The following B3GALT1 variants were observed in gnomAD, a reference collection of about 807,000 sequenced individuals.
B3GALT1 encodes the protein beta-1,3-galactosyltransferase 1.
Under a neutral mutation model 23.2 loss-of-function variants are expected in B3GALT1, and 10 were observed. The observed-to-expected ratio is 0.43, with a 90% CI of 0.27 to 0.73. The LOEUF (loss-of-function observed/expected upper bound fraction) is 0.73. Ranked by LOEUF, B3GALT1 falls within the 30% of genes least tolerant of loss-of-function variation. B3GALT1 has a pLI of 0.21. For missense variants in B3GALT1, 299 were observed against 405.4 expected (o/e 0.74, Z 2.25); for synonymous variants, 156 against 141.5 (o/e 1.10, Z -0.73).
intron 4 of B3GALT1, among the ~76,000 whole-genome samples, chr2:167,830,728 T>G (rs898042365): frequency 1.3e-5 from 2 of 152,264 alleles, no homozygotes; most frequent in African/African-American, 4.8e-5. Flanking sequence ...AACCCGTGTT[T>G]TCACAAATAG....
At chr2:167,446,169 T>C (rs1443716267) in intron 1 of B3GALT1, among the ~76,000 whole-genome samples, 2 of 152,240 alleles carry the variant, frequency 1.3e-5, no homozygotes, top group African/African-American at 2.4e-5. Flanking sequence ...AATTCTTTTC[T>C]TTAAGAATGT....
chr2:167,410,335 CA>C (rs1259783695), intron 1 of B3GALT1, among the ~76,000 whole-genome samples: 4 of 151,812 alleles, frequency 2.6e-5, no homozygotes, highest in African/African-American at 7.3e-5. Context: ...ACTAAAAATA[CA>C]AAAAATGAGA....
chr2:167,533,787 C>T (rs1314172672), intron 2 of B3GALT1, among the ~76,000 whole-genome samples: 1 of 152,150 alleles, frequency 6.6e-6, no homozygotes, highest in Non-Finnish European at 1.5e-5. Flanking sequence ...TCTTTGCAAC[C>T]ATGTTTCTTC....
At chr2:167,516,755 CT>C (rs1465206365) in intron 2 of B3GALT1, among the ~76,000 whole-genome samples, 4 of 151,948 alleles carry the variant, frequency 2.6e-5, no homozygotes, top group Admixed American at 2.0e-4. Flanking sequence ...TTTATTTTTC[CT>C]ATCATAGCCT....
chr2:167,458,679 GT>G (rs1363569862), intron 1 of B3GALT1, among the ~76,000 whole-genome samples: 2 of 152,132 alleles, frequency 1.3e-5, no homozygotes, highest in Non-Finnish European at 2.9e-5. Flanking sequence ...TTTCACTGTA[GT>G]TTTGATTTGC....
intron 2 of B3GALT1, among the ~76,000 whole-genome samples, chr2:167,584,985 A>G (rs1306624687): frequency 6.6e-6 from 1 of 152,110 alleles, no homozygotes; most frequent in Admixed American, 6.5e-5. Flanking sequence ...CCCCCGTCTC[A>G]TCCCCAGGGG....
intron 2 of B3GALT1, among the ~76,000 whole-genome samples, chr2:167,572,636 G>A (rs543106318): frequency 5.3e-5 from 8 of 151,880 alleles, no homozygotes; most frequent in East Asian, 1.9e-4. Context: ...CACATCTGCC[G>A]ATTGAGGTCA....
At chr2:167,335,353 A>G (rs1205045641) in intron 1 of B3GALT1, among the ~76,000 whole-genome samples, 2 of 152,212 alleles carry the variant, frequency 1.3e-5, no homozygotes, top group Non-Finnish European at 2.9e-5. Flanking sequence ...ATATAGAAGT[A>G]CGGAGTCCTT....
intron 4 of B3GALT1, among the ~76,000 whole-genome samples, chr2:167,831,616 A>G (rs1489145239): frequency 6.6e-6 from 1 of 152,208 alleles, no homozygotes; most frequent in Non-Finnish European, 1.5e-5. Flanking sequence ...AGATATGAAT[A>G]GAGGGAAAAA....
At chr2:167,659,446 GT>G (rs1458191909) in intron 3 of B3GALT1, among the ~76,000 whole-genome samples, 1 of 151,998 alleles carries the variant, frequency 6.6e-6, no homozygotes, top group African/African-American at 2.4e-5. Context: ...AAACATTGAA[GT>G]TTTATCAAAA....
At chr2:167,576,866 C>G (rs1347060660) in intron 2 of B3GALT1, among the ~76,000 whole-genome samples, 1 of 151,536 alleles carries the variant, frequency 6.6e-6, no homozygotes, top group Non-Finnish European at 1.5e-5. Context: ...TTCTTGCCAC[C>G]CTTGTGTGAT....
At chr2:167,534,274 C>T (rs1202496891) in intron 2 of B3GALT1, among the ~76,000 whole-genome samples, 1 of 152,130 alleles carries the variant, frequency 6.6e-6, no homozygotes, top group Non-Finnish European at 1.5e-5. Flanking sequence ...CCTGCATATT[C>T]TGTCATCTAC....
chr2:167,412,517 T>C (rs755275979), intron 1 of B3GALT1, among the ~76,000 whole-genome samples: 6 of 152,258 alleles, frequency 3.9e-5, no homozygotes, highest in Admixed American at 6.5e-5. Context: ...TCAACTTCAT[T>C]ATATAAAGAA....
chr2:167,690,265 ACAT>A (rs1167259146), intron 3 of B3GALT1, among the ~76,000 whole-genome samples: 1 of 152,072 alleles, frequency 6.6e-6, no homozygotes, highest in Non-Finnish European at 1.5e-5. Context: ...ACATTATAAA[ACAT>A]CAAGTAAAAG....
At chr2:167,320,381 G>T (rs1696791346) in intron 1 of B3GALT1, among the ~76,000 whole-genome samples, 1 of 151,738 alleles carries the variant, frequency 6.6e-6, no homozygotes, top group Admixed American at 6.6e-5. Context: ...GGTAGAGAGG[G>T]GTTTCACCAT....
intron 2 of B3GALT1, among the ~76,000 whole-genome samples, chr2:167,629,217 AT>A (rs1377696999): frequency 6.6e-6 from 1 of 151,712 alleles, no homozygotes; most frequent in Non-Finnish European, 1.5e-5. Flanking sequence ...TGATCTCGTA[AT>A]GTCTAAGAGA....
In B3GALT1 at chr2:167,872,353, C is replaced by G. The variant is rs1690369846; in HGVS notation, c.*2333C>G. On this transcript the variant is annotated 3_prime_UTR_variant, in exon 5 of 5. Transcript: ENST00000392690. Reference sequence around the variant, plus strand: ...CGAAAGGACCTGATATGAGACAAGACTTCCCATCCCTTAACACATCTTCAT... The same window carrying G: ...CGAAAGGACCTGATATGAGACAAGAGTTCCCATCCCTTAACACATCTTCAT... 6.6e-6 allele frequency: 1 copy of G among 152,184 alleles called. No homozygotes were observed. The highest frequency in any genetic ancestry group is 1.5e-5 in the Non-Finnish European group (1 of 68,056). The allele number at this position is 152,184 out of a possible 1,614,324, so 9.4% of individuals were successfully genotyped here. A position where few individuals can be genotyped will look rare whatever the true frequency, so the allele number is the denominator to read the frequency against.
chr2:167,778,093 A>G (rs990640380), intron 3 of B3GALT1, among the ~76,000 whole-genome samples: 1 of 152,202 alleles, frequency 6.6e-6, no homozygotes, highest in African/African-American at 2.4e-5. Context: ...AATCTGTAAC[A>G]TATCCATTTA....
At chr2:167,475,971 G>A (rs1699479498) in intron 1 of B3GALT1, among the ~76,000 whole-genome samples, 1 of 152,116 alleles carries the variant, frequency 6.6e-6, no homozygotes, top group Non-Finnish European at 1.5e-5. Context: ...CTGTGTGCAT[G>A]TCTGTGTCCA....
Sources: gnomAD v4.1 joint callset for allele counts (sites outside exome capture counted in the v4.1 genomes callset) on GRCh38, gnomAD v4.1.1 for gene constraint, MANE v1.5 for transcripts, NCBI Gene and HGNC (gene_info 2026-07-23, HGNC 2026-07-21) for gene names.